Variants in OCA2 observed in about 807,000 individuals in gnomAD.
OCA2 encodes the protein OCA2 melanosomal transmembrane protein.
OCA2 carries 77 observed loss-of-function variants against 100.2 expected under a neutral mutation model. The observed-to-expected ratio is 0.77, with a 90% CI of 0.64 to 0.93. The LOEUF is 0.93. Ranked by LOEUF, OCA2 falls within the 40% of genes least tolerant of loss-of-function variation. The pLI, the probability that OCA2 is intolerant of heterozygous loss-of-function variation, is 0.00. For missense variants in OCA2, 1,062 were observed against 1,089.1 expected (o/e 0.98, Z 0.35); for synonymous variants, 432 against 439.2 (o/e 0.98, Z 0.21).
At chr15:27,861,870 G>A (rs1245803651) in intron 21 of OCA2, among the ~76,000 whole-genome samples, 1 of 152,170 alleles carries the variant, frequency 6.6e-6, no homozygotes, top group African/African-American at 2.4e-5. Context: ...GATCAGCAGA[G>A]TGAAGAATAA....
intron 2 of OCA2, among the ~76,000 whole-genome samples, chr15:28,046,731 T>A (rs890293820): frequency 3.9e-5 from 6 of 152,206 alleles, no homozygotes; most frequent in Non-Finnish European, 7.3e-5. Context: ...ACTACCACCA[T>A]GCTGCCAAGT....
intron 8 of OCA2, among the ~76,000 whole-genome samples, chr15:28,015,352 G>A (rs1041325585): frequency 1.3e-5 from 2 of 151,218 alleles, no homozygotes; most frequent in Admixed American, 6.6e-5. Context: ...GGTCTGTGGC[G>A]AACACTGAAG....
intron 16 of OCA2, among the ~76,000 whole-genome samples, chr15:27,955,808 T>C (rs1303132103): frequency 1.3e-5 from 2 of 152,006 alleles, no homozygotes; most frequent in African/African-American, 4.8e-5. Flanking sequence ...CCTGCCGGGG[T>C]GGTCTCCTCC....
intron 14 of OCA2, among the ~76,000 whole-genome samples, chr15:27,972,393 G>A (rs2040820034): frequency 6.6e-6 from 1 of 152,174 alleles, no homozygotes; most frequent in South Asian, 2.1e-4. Flanking sequence ...TTGAATGGTA[G>A]ATATACTTTT....
At chr15:27,780,095 A>C (rs1246874053) in intron 23 of OCA2, among the ~76,000 whole-genome samples, 1 of 152,214 alleles carries the variant, frequency 6.6e-6, no homozygotes, top group Non-Finnish European at 1.5e-5. Flanking sequence ...TCTCTCAAAG[A>C]GATTTTTTAA....
At chr15:27,722,780 T>TTCTCTCTCTCTCTCTCTC in the OCA2 span, among the ~76,000 whole-genome samples, 300 of 134,294 alleles carry the variant, frequency 2.2e-3, 1 homozygote, top group East Asian at 0.021. Flanking sequence ...TTTTCTTTCT[T>TTCTCTCTCTCTCTCTCTC]TCTCTCTCTC....
chr15:27,753,547 CA>C (rs765825858), downstream of OCA2, among the ~76,000 whole-genome samples: 1 of 152,038 alleles, frequency 6.6e-6, no homozygotes, highest in Non-Finnish European at 1.5e-5. Flanking sequence ...TCCTGGCTAA[CA>C]CAGTGAAACC....
At chr15:27,907,623 G>C (rs898481582) in intron 19 of OCA2, among the ~76,000 whole-genome samples, 2 of 151,994 alleles carry the variant, frequency 1.3e-5, no homozygotes, top group African/African-American at 4.8e-5. Context: ...CTTGATTAAG[G>C]GGAAAAGGGG....
chr15:27,732,658 G>A, the OCA2 span, among the ~76,000 whole-genome samples: 5 of 152,170 alleles, frequency 3.3e-5, no homozygotes, highest in African/African-American at 4.8e-5. Flanking sequence ...GTTCTCCCTT[G>A]TGACACTGGT....
At chr15:28,010,876 G>C (rs2042220726) in intron 9 of OCA2, among the ~76,000 whole-genome samples, 1 of 152,120 alleles carries the variant, frequency 6.6e-6, no homozygotes, top group Non-Finnish European at 1.5e-5. Context: ...AGAATAGCCA[G>C]AACAATTTTG....
At chr15:27,752,157 G>A (rs549656533), downstream of OCA2, among the ~76,000 whole-genome samples, 41 of 152,292 alleles carry the variant, frequency 2.7e-4, no homozygotes, top group East Asian at 1.5e-3. Context: ...CCAGATCCTC[G>A]TCTGCAGCAC....
rs932086959 is a variant in OCA2 at position 27,893,858 on chromosome 15, T to G, written c.2080-21936A>C. ...TTGCTTTATGATCTTTGTTGGACCCTTATCAGTGGTTCTGCTTTTGCCCTT... is the reference window on the plus strand; with the variant it reads ...TTGCTTTATGATCTTTGTTGGACCCGTATCAGTGGTTCTGCTTTTGCCCTT... On this transcript the variant is annotated intron_variant, in intron 19 of 23. Transcript: ENST00000354638. Among the ~76,000 whole-genome samples the G allele has an allele frequency of 3.9e-5, 6 of 152,190 alleles. No homozygotes were observed. The South Asian group carries it at 1.2e-3, about 32-fold the overall frequency.
intron 23 of OCA2, among the ~76,000 whole-genome samples, chr15:27,764,477 A>T (rs2031098585): frequency 6.6e-6 from 1 of 152,188 alleles, no homozygotes; most frequent in Admixed American, 6.5e-5. Flanking sequence ...AACTCAAGGT[A>T]AACTGCTCCC....
chr15:27,877,392 TG>T (rs1198784107), intron 19 of OCA2, among the ~76,000 whole-genome samples: 3 of 151,972 alleles, frequency 2.0e-5, no homozygotes, highest in Admixed American at 1.3e-4. Flanking sequence ...GATTTTTTTT[TG>T]TCTAGGTGTT....
Position 28,011,967 on chromosome 15 carries a change from G to A in OCA2, c.1044+2809C>T, listed in dbSNP as rs114801587. Among the ~76,000 whole-genome samples, 721 of 148,430 alleles carry A rather than the reference G, an allele frequency of 4.9e-3. 8 individuals carry two copies. The highest frequency in any genetic ancestry group is 0.017 in the African/African-American group (692 of 40,222). On this transcript the variant is annotated intron_variant, in intron 9 of 23. Coordinates refer to ENST00000354638, the MANE Select transcript of OCA2 (RefSeq NM_000275.3). Reference sequence around the variant, plus strand: ...TGTGGCTCATGCCTGTAATCCCAGCGCTTTGTCTCCAAAAAAAAAAAAGGA... The same window carrying A: ...TGTGGCTCATGCCTGTAATCCCAGCACTTTGTCTCCAAAAAAAAAAAAGGA...
rs972082343 is a variant in OCA2, at chr15:27,788,256, T to C, written c.2433-32784A>G. ...TAGGTCAAGTAATTGCGAGTATTACTCAAATTTTCTATAGCCTTGCTAATT... is the reference window on the plus strand; with the variant it reads ...TAGGTCAAGTAATTGCGAGTATTACCCAAATTTTCTATAGCCTTGCTAATT... On this transcript the variant is annotated intron_variant, in intron 23 of 23. Transcript: ENST00000354638. Among the ~76,000 whole-genome samples, 4 of 152,228 alleles carry C rather than the reference T, an allele frequency of 2.6e-5. No homozygotes were observed. The South Asian group carries it at 8.3e-4, about 32-fold the overall frequency.
intron 6 of OCA2, 116 bp downstream of exon 6, chr15:28,022,385 G>A (rs746234706): frequency 1.7e-5 from 13 of 743,714 alleles, no homozygotes; most frequent in Non-Finnish European, 2.8e-5. Flanking sequence ...AACAAAATTC[G>A]AGTGGTAATG....
chr15:27,932,927 T>C (rs1002079267), intron 18 of OCA2, among the ~76,000 whole-genome samples: 6 of 151,866 alleles, frequency 4.0e-5, no homozygotes, highest in African/African-American at 1.5e-4. Flanking sequence ...TTTACCACAA[T>C]ATAATATTCA....
At chr15:27,913,040 C>A (rs1411573838) in intron 19 of OCA2, among the ~76,000 whole-genome samples, 1 of 152,106 alleles carries the variant, frequency 6.6e-6, no homozygotes, top group Non-Finnish European at 1.5e-5. Flanking sequence ...CTAACTAATA[C>A]TTTTCAAAAG....
Sources: gnomAD v4.1 joint callset for allele counts (sites outside exome capture counted in the v4.1 genomes callset) on GRCh38, gnomAD v4.1.1 for gene constraint, MANE v1.5 for transcripts, NCBI Gene and HGNC (gene_info 2026-07-23, HGNC 2026-07-21) for gene names.